Variants in VPS8 observed in about 807,000 individuals in gnomAD.
The protein encoded by VPS8 is vacuolar protein sorting-associated protein 8 homolog.
In VPS8, 129 loss-of-function variants were observed where a neutral mutation model predicts 216.4. The ratio of observed to expected loss-of-function variants is 0.60; its 90% CI spans 0.52 to 0.69. VPS8 has a LOEUF of 0.69. Ranked by LOEUF, VPS8 falls within the 30% of genes least tolerant of loss-of-function variation. VPS8 has a pLI of 0.00. For missense variants in VPS8, 1,531 were observed against 1,683.5 expected (o/e 0.91, Z 1.59); for synonymous variants, 571 against 565.4 (o/e 1.01, Z -0.14).
rs535363883 is a variant in VPS8 at position 184,969,352 on chromosome 3, A to T, written c.3317-2297A>T. 2.0e-5 allele frequency among the ~76,000 whole-genome samples: 3 copies of T among 147,432 alleles called. No individual in the cohort carries two copies. In the Admixed American group the frequency reaches 2.1e-4, roughly 10 times the overall value. On this transcript the variant is annotated intron_variant, in intron 39 of 47. Transcript: ENST00000625842. The stretch of plus-strand genomic sequence containing the variant: ...AGACTGGTCTTGAACTCCTGACCTC[A>T]TGATCTGCCTGCCTCGGCCTCCCAA...
At chr3:184,959,336 C>G (rs1746113941) in intron 37 of VPS8, among the ~76,000 whole-genome samples, 2 of 152,030 alleles carry the variant, frequency 1.3e-5, no homozygotes, top group Non-Finnish European at 1.5e-5. Flanking sequence ...TAATATAACC[C>G]ATGTTTCCAA....
At chr3:184,938,970 C>T (rs1742153110) in intron 35 of VPS8, among the ~76,000 whole-genome samples, 1 of 144,736 alleles carries the variant, frequency 6.9e-6, no homozygotes, top group South Asian at 2.2e-4. Flanking sequence ...GTTGAGGCCG[C>T]AGTGAGCTGT....
chr3:184,907,900 G>A (rs756624353), intron 25 of VPS8, among the ~76,000 whole-genome samples: 1 of 152,162 alleles, frequency 6.6e-6, no homozygotes, highest in Non-Finnish European at 1.5e-5. Flanking sequence ...TCAGCCATGG[G>A]TTATAAATTA....
At chr3:185,025,363 T>C (rs536148204) in intron 46 of VPS8, among the ~76,000 whole-genome samples, 90 of 152,324 alleles carry the variant, frequency 5.9e-4, no homozygotes, top group Middle Eastern at 6.8e-3. Flanking sequence ...TCCCTTGCCC[T>C]TTTTTGCCAT....
chr3:184,967,898 A>G (rs1421002777), intron 39 of VPS8, among the ~76,000 whole-genome samples: 2 of 152,032 alleles, frequency 1.3e-5, no homozygotes, highest in Non-Finnish European at 1.5e-5. Context: ...AAAATTTACC[A>G]TTTTAACTAT....
chr3:184,964,157 G>T lies in VPS8; in HGVS notation c.3184-311G>T, dbSNP rs1207094715. ...TTTTTTAATAATTATACTTGATCAA[G>T]TTCTAGTTTGTATTGTTAGTATGTA... is the stretch of plus-strand genomic sequence containing the variant. On this transcript the variant is annotated intron_variant, in intron 37 of 47. Transcript: ENST00000625842. Among the ~76,000 whole-genome samples, 4 of 151,840 alleles carry T rather than the reference G, an allele frequency of 2.6e-5. No individual in the cohort carries two copies. In the East Asian group the frequency reaches 7.7e-4, roughly 29 times the overall value.
At chr3:184,915,562 C>G in intron 28 of VPS8, 88 bp downstream of exon 28, 1 of 1,423,424 alleles carries the variant, frequency 7.0e-7, no homozygotes, top group South Asian at 1.3e-5. Flanking sequence ...CCTGTAATCC[C>G]AACACTTTGG....
chr3:184,930,537 C>G lies in VPS8; in HGVS notation c.2867C>G (p.Ser956Cys). The change falls in exon 34 of 48, where the codon TCT becomes TGT. Residue 956 changes from serine (S) to cysteine (C), a missense_variant. Around this residue, in one of 3 missense-constraint regions of VPS8, gnomAD observed 1,318 missense variants for 1,468.4 expected, o/e 0.90. Coordinates refer to ENST00000625842, the MANE Select transcript of VPS8 (RefSeq NM_001009921.3). Reference sequence around the variant, plus strand: ...GGACACAGTGCAGAGGAGAAGCAGTCTGTATGGCAGAAAGCAATGGATCAT... The same window carrying G: ...GGACACAGTGCAGAGGAGAAGCAGTGTGTATGGCAGAAAGCAATGGATCAT... ...IPGHSAEEKQ[S>C]VWQKAMDHIE... 1 of 1,613,428 alleles carries G rather than the reference C, an allele frequency of 6.2e-7. No individual in the cohort carries two copies. The highest frequency in any genetic ancestry group is 2.2e-5 in the East Asian group (1 of 44,860).
intron 22 of VPS8, among the ~76,000 whole-genome samples, chr3:184,888,866 T>G (rs543474074): frequency 2.0e-5 from 3 of 152,306 alleles, no homozygotes; most frequent in Admixed American, 6.5e-5. Context: ...ATGGTTGAAC[T>G]GATGAAGTAA....
intron 31 of VPS8, 129 bp downstream of exon 31, chr3:184,926,779 A>T: frequency 1.2e-6 from 1 of 864,384 alleles, no homozygotes; most frequent in Non-Finnish European, 1.8e-6. Flanking sequence ...ACGAAGTTAG[A>T]GTCAGTGGGA....
Position 184,900,759 on chromosome 3 carries a change from C to A in VPS8, c.2095-162C>A, listed in dbSNP as rs570430266. On this transcript the variant is annotated intron_variant, in intron 24 of 47. Coordinates refer to ENST00000625842, the MANE Select transcript of VPS8 (RefSeq NM_001009921.3). ...ACAACAGTGATTGTTTCTCAGTGAG[C>A]CTTCTAAACATTTCATGTACAGATT... 1.3e-4 allele frequency among the ~76,000 whole-genome samples: 19 copies of A among 151,984 alleles called. 1 individual carries two copies. The highest frequency in any genetic ancestry group is 3.4e-3 in the Middle Eastern group (1 of 294).
At chr3:184,991,043 C>T (rs1387592960) in intron 42 of VPS8, among the ~76,000 whole-genome samples, 2 of 151,958 alleles carry the variant, frequency 1.3e-5, no homozygotes, top group African/African-American at 4.8e-5. Flanking sequence ...TCTGAGAAGC[C>T]GTTTATTACT....
intron 39 of VPS8, among the ~76,000 whole-genome samples, chr3:184,968,954 A>C (rs1181663543): frequency 6.6e-6 from 1 of 152,170 alleles, no homozygotes; most frequent in African/African-American, 2.4e-5. Context: ...GTATTACAGT[A>C]AATCTTTTTG....
intron 16 of VPS8, among the ~76,000 whole-genome samples, chr3:184,865,644 A>G (rs1727204745): frequency 1.3e-5 from 2 of 152,220 alleles, no homozygotes; most frequent in Admixed American, 1.3e-4. Context: ...GATGGTGGGA[A>G]ACTAAAATGG....
chr3:184,957,870 A>G (rs1395772668), intron 37 of VPS8, among the ~76,000 whole-genome samples: 2 of 152,214 alleles, frequency 1.3e-5, no homozygotes, highest in African/African-American at 4.8e-5. Context: ...GGAAACATGT[A>G]TGGGAAGATA....
chr3:184,908,866 C>T (rs1735969044), intron 25 of VPS8, among the ~76,000 whole-genome samples: 1 of 152,100 alleles, frequency 6.6e-6, no homozygotes, highest in African/African-American at 2.4e-5. Context: ...ACTGTGGGCT[C>T]AGAATAGGGG....
chr3:184,999,716 C>T lies in VPS8; in HGVS notation c.3857C>T (p.Ser1286Leu). The change falls in exon 45 of 48, where the codon TCA (serine) becomes TTA (leucine). Residue 1286 changes from serine to leucine, a missense_variant. Ser to Leu is a moderately radical substitution (Grantham distance 145, BLOSUM62 -2). Around this residue, in one of 3 missense-constraint regions of VPS8, gnomAD observed 1,318 missense variants for 1,468.4 expected, o/e 0.90. Coordinates refer to ENST00000625842, the MANE Select transcript of VPS8 (RefSeq NM_001009921.3). ...IVFSCGHLYH[S>L]FCLQNKECTV... ...TGCAGCTGTGGCCATTTGTATCACT[C>T]ATTCTGCCTACAAAACAAAGAATGC... 6.2e-7 allele frequency: 1 copy of T among 1,611,610 alleles called. No homozygotes were observed. The highest frequency in any genetic ancestry group is 8.5e-7 in the Non-Finnish European group (1 of 1,179,184).
chr3:184,838,585 GCAAAAATAAAGGTT>G, intron 5 of VPS8, 115 bp from the exon 6 acceptor site: 1 of 682,244 alleles, frequency 1.5e-6, no homozygotes, highest in Non-Finnish European at 2.4e-6. Context: ...TTAGTTGGGG[GCAAAAATAAAGGTT>G]CTACCTCTAA....
chr3:184,880,402 G>A (rs1730070075), intron 21 of VPS8, among the ~76,000 whole-genome samples: 1 of 152,040 alleles, frequency 6.6e-6, no homozygotes, highest in South Asian at 2.1e-4. Flanking sequence ...TATATAAATG[G>A]AATCATAGAG....
Sources: allele counts gnomAD v4.1 joint callset (sites outside exome capture counted in the v4.1 genomes callset), GRCh38; gene constraint gnomAD v4.1.1; regional missense constraint gnomAD v4.1.1; transcripts MANE v1.5; gene names NCBI Gene and HGNC (gene_info 2026-07-23, HGNC 2026-07-21).